The following LOC400499 variants were observed in gnomAD, a reference collection of about 807,000 sequenced individuals.
the LOC400499 span, among the ~76,000 whole-genome samples, chr16:11,475,195 G>C: frequency 6.6e-6 from 1 of 152,102 alleles, no homozygotes; most frequent in East Asian, 1.9e-4. Context: ...AGAGCATTAG[G>C]ACAAATACCT....
the LOC400499 span, chr16:11,398,480 G>A: frequency 8.1e-7 from 1 of 1,232,170 alleles, no homozygotes; most frequent in Non-Finnish European, 1.0e-6. Flanking sequence ...CCTCCATGAT[G>A]ATCTTGTCTG....
At chr16:11,423,742 G>C in the LOC400499 span, among the ~76,000 whole-genome samples, 27 of 152,320 alleles carry the variant, frequency 1.8e-4, no homozygotes, top group African/African-American at 6.0e-4. Context: ...CGGGTGTGAG[G>C]CTTCCCCAGG....
chr16:11,488,737 C>A, the LOC400499 span: 1 of 398,938 alleles, frequency 2.5e-6, no homozygotes, highest in Non-Finnish European at 4.4e-6. Context: ...CAGAATAGGA[C>A]GAGTGTTTCC....
the LOC400499 span, among the ~76,000 whole-genome samples, chr16:11,491,125 G>A: frequency 6.6e-6 from 1 of 152,188 alleles, no homozygotes; most frequent in Non-Finnish European, 1.5e-5. Flanking sequence ...GGCTCACAAA[G>A]GTTTACTTAC....
chr16:11,392,098 C>G, the LOC400499 span: 1 of 399,092 alleles, frequency 2.5e-6, no homozygotes, highest in Admixed American at 4.4e-5. Context: ...TGCTGCAATC[C>G]TGGACTGTGA....
At chr16:11,396,653 T>C in the LOC400499 span, 12 of 1,231,070 alleles carry the variant, frequency 9.7e-6, no homozygotes, top group Non-Finnish European at 1.1e-5. Flanking sequence ...GCCCAGGGTG[T>C]GCTCCCCGAC....
At chr16:11,504,227 G>T in the LOC400499 span, among the ~76,000 whole-genome samples, 1 of 152,184 alleles carries the variant, frequency 6.6e-6, no homozygotes, top group African/African-American at 2.4e-5. Context: ...GGCAGGCTAC[G>T]GATGGAGGCA....
the LOC400499 span, among the ~76,000 whole-genome samples, chr16:11,402,770 G>A: frequency 2.0e-5 from 3 of 152,290 alleles, no homozygotes; most frequent in South Asian, 2.1e-4. Context: ...CCACAGCCTC[G>A]TGAGCAAGGC....
At chr16:11,457,851 G>C in the LOC400499 span, among the ~76,000 whole-genome samples, 21 of 152,222 alleles carry the variant, frequency 1.4e-4, no homozygotes, top group African/African-American at 4.6e-4. Context: ...AAGGAAATTT[G>C]ACACATGCTA....
chr16:11,407,829 GA>G, the LOC400499 span, among the ~76,000 whole-genome samples: 1 of 152,098 alleles, frequency 6.6e-6, no homozygotes, highest in African/African-American at 2.4e-5. Flanking sequence ...GGGTTGCTGC[GA>G]AAATTGTATG....
chr16:11,422,893 G>A, the LOC400499 span, among the ~76,000 whole-genome samples: 10 of 152,202 alleles, frequency 6.6e-5, no homozygotes, highest in Non-Finnish European at 1.3e-4. Flanking sequence ...CATGACAGAG[G>A]TGGGCTTGCA....
chr16:11,504,116 T>C, the LOC400499 span, among the ~76,000 whole-genome samples: 4 of 152,296 alleles, frequency 2.6e-5, no homozygotes. Context: ...AGAATGCGCC[T>C]TTCAGATCCA....
chr16:11,478,652 G>A, the LOC400499 span: 9 of 399,038 alleles, frequency 2.3e-5, no homozygotes, highest in Non-Finnish European at 2.7e-5. Context: ...AGCTCGCATC[G>A]CAGAGCCTGC....
chr16:11,513,420 T>A, the LOC400499 span, among the ~76,000 whole-genome samples: 22 of 100,420 alleles, frequency 2.2e-4, no homozygotes, highest in East Asian at 1.2e-3. Flanking sequence ...AAAAAAAAAA[T>A]TTAAAAATTT....
the LOC400499 span, chr16:11,442,479 T>G: frequency 6.6e-6 from 1 of 152,178 alleles, no homozygotes; most frequent in African/African-American, 2.4e-5. Context: ...TGCCTCGGCC[T>G]CCCAAAGTGC....
At chr16:11,398,230 T>G in the LOC400499 span, 3 of 860,912 alleles carry the variant, frequency 3.5e-6, no homozygotes, top group Admixed American at 8.6e-5. Flanking sequence ...AGAGCCACGA[T>G]GGTGGCGTCT....
the LOC400499 span, among the ~76,000 whole-genome samples, chr16:11,468,508 T>C: frequency 6.6e-6 from 1 of 152,304 alleles, no homozygotes; most frequent in African/African-American, 2.4e-5. Flanking sequence ...TAATGTTTTG[T>C]AGACACCGGG....
chr16:11,490,478 T>C, the LOC400499 span, among the ~76,000 whole-genome samples: 1 of 149,210 alleles, frequency 6.7e-6, no homozygotes, highest in Admixed American at 6.7e-5. Flanking sequence ...GGCGGGCAGA[T>C]CATGAGGTCA....
At chr16:11,385,953 T>C in the LOC400499 span, among the ~76,000 whole-genome samples, 4 of 152,142 alleles carry the variant, frequency 2.6e-5, no homozygotes, top group Non-Finnish European at 5.9e-5. Context: ...GGAGGATCAC[T>C]TGAGCCCAGA....
Sources: gnomAD v4.1 joint callset for allele counts (sites outside exome capture counted in the v4.1 genomes callset) on GRCh38, gnomAD v4.1.1 for gene constraint, MANE v1.5 for transcripts.